The following CRTC3 variants were observed in gnomAD, a reference collection of about 807,000 sequenced individuals.
The protein encoded by CRTC3 is CREB regulated transcription coactivator 3.
Under a neutral mutation model 74.5 loss-of-function variants are expected in CRTC3, and 26 were observed. The ratio of observed to expected loss-of-function variants is 0.35; its 90% CI spans 0.26 to 0.48. The LOEUF is 0.48. Ranked by LOEUF, CRTC3 falls within the 20% of genes least tolerant of loss-of-function variation. CRTC3 has a pLI of 0.99. For synonymous variants in CRTC3, 377 were observed against 325.8 expected (o/e 1.16, Z -1.69); for missense variants, 760 against 787.3 (o/e 0.97, Z 0.41).
At chr15:90,600,024 A>G (rs978737831) in intron 3 of CRTC3, among the ~76,000 whole-genome samples, 13 of 152,154 alleles carry the variant, frequency 8.5e-5, no homozygotes, top group Admixed American at 5.2e-4. Flanking sequence ...GGGCCTTACT[A>G]TTTATCACCT....
At chr15:90,583,403 G>A (rs1967587482) in intron 2 of CRTC3, among the ~76,000 whole-genome samples, 1 of 152,140 alleles carries the variant, frequency 6.6e-6, no homozygotes, top group Non-Finnish European at 1.5e-5. Flanking sequence ...GTTGGGTGCT[G>A]GTGCCTTCTC....
intron 2 of CRTC3, among the ~76,000 whole-genome samples, chr15:90,577,064 G>A (rs1967424324): frequency 6.8e-6 from 1 of 146,364 alleles, no homozygotes; most frequent in African/African-American, 2.6e-5. Context: ...GTTTTTTTGA[G>A]ATAGAATATT....
intron 2 of CRTC3, among the ~76,000 whole-genome samples, chr15:90,575,292 A>G (rs1967377535): frequency 6.6e-6 from 1 of 152,224 alleles, no homozygotes; most frequent in African/African-American, 2.4e-5. Flanking sequence ...CGGAGGTTGC[A>G]GTGAGCCAAG....
intron 2 of CRTC3, 29 bp from the exon 3 acceptor site, chr15:90,593,607 G>A: frequency 6.3e-7 from 1 of 1,588,198 alleles, no homozygotes; most frequent in East Asian, 2.3e-5. Flanking sequence ...CATGGTTGGA[G>A]GCCAACTCTT....
rs1336506423 is a variant in CRTC3 at position 90,530,591 on chromosome 15, C to G, written c.132+388C>G. On this transcript the variant is annotated intron_variant, in intron 1 of 14. Coordinates refer to ENST00000268184, the MANE Select transcript of CRTC3 (RefSeq NM_022769.5). The surrounding 1 kb of genome is among the most constrained non-coding windows in gnomAD (Gnocchi z 6.2). ...GCGGCTTCTGGTCGCTCCGAACATC[C>G]CCCACCATCGAGCCCTGCTGTTCTG... 2 of 152,332 alleles carry G rather than the reference C, an allele frequency of 1.3e-5. No homozygotes were observed. Among genetic ancestry groups the G allele is most frequent in the Non-Finnish European group, 2.9e-5 (2 of 68,220 alleles). 9.4% of individuals were successfully genotyped at this position (152,332 alleles called of 1,614,324 possible).
chr15:90,605,763 A>G (rs565932389), intron 5 of CRTC3, among the ~76,000 whole-genome samples: 101 of 151,510 alleles, frequency 6.7e-4, no homozygotes, highest in African/African-American at 2.5e-3. Context: ...ATGAACCACA[A>G]AGAAGCACTG....
chr15:90,591,194 C>G (rs976670761), intron 2 of CRTC3, among the ~76,000 whole-genome samples: 1 of 151,712 alleles, frequency 6.6e-6, no homozygotes, highest in Non-Finnish European at 1.5e-5. Context: ...GAACTCCTGG[C>G]CTCAAGTGGT....
At position 90,529,956 on chromosome 15, in the gene CRTC3, C is replaced by G. The variant is rs979915441; in HGVS notation, c.-116C>G. ...GGCCGCGGCGGCTCCTCTGCCGGGT[C>G]GCGCCGGACGACTGGCTTCGGGCGG... On this transcript the variant is annotated 5_prime_UTR_variant, in exon 1 of 15. Coordinates refer to ENST00000268184, the MANE Select transcript of CRTC3 (RefSeq NM_022769.5). The G allele has an allele frequency of 3.6e-4, 297 of 813,956 alleles. 1 individual carries two copies. The highest frequency in any genetic ancestry group is 2.2e-3 in the Middle Eastern group (4 of 1,846). 50.4% of individuals were successfully genotyped at this position (813,956 alleles called of 1,614,324 possible).
chr15:90,600,563 A>C (rs1264365755), intron 3 of CRTC3: 1 of 152,172 alleles, frequency 6.6e-6, no homozygotes, highest in Non-Finnish European at 1.5e-5. Flanking sequence ...CCCCTGATCC[A>C]CCAGGCGTGC....
intron 9 of CRTC3, among the ~76,000 whole-genome samples, chr15:90,623,103 C>T (rs1968709058): frequency 6.6e-6 from 1 of 152,158 alleles, no homozygotes; most frequent in African/African-American, 2.4e-5. Context: ...ACCGAGGTCC[C>T]TCCTAGTCAG....
At chr15:90,594,177 C>G (rs574323854) in intron 3 of CRTC3, 1 of 153,402 alleles carries the variant, frequency 6.5e-6, no homozygotes, top group Non-Finnish European at 1.5e-5. Context: ...TTGGAACTTA[C>G]AGACAAAATT....
In CRTC3 at chr15:90,629,052, G is replaced by A. The variant is rs751736243; in HGVS notation, c.968-182G>A. Among the ~76,000 whole-genome samples, 6 of 152,294 alleles carry A rather than the reference G, an allele frequency of 3.9e-5. 1 individual carries two copies. On this transcript the variant is annotated intron_variant, in intron 10 of 14. Coordinates refer to ENST00000268184, the MANE Select transcript of CRTC3 (RefSeq NM_022769.5). Reference sequence around the variant, plus strand: ...TCTTTGTGGCCCCATCTCTGTTAGTGCAGGGGCATCTTTTCCTTGCCATTG... The same window carrying A: ...TCTTTGTGGCCCCATCTCTGTTAGTACAGGGGCATCTTTTCCTTGCCATTG...
intron 2 of CRTC3, among the ~76,000 whole-genome samples, chr15:90,553,018 G>C (rs1038427687): frequency 2.6e-5 from 4 of 152,178 alleles, no homozygotes; most frequent in African/African-American, 9.7e-5. Context: ...AATACTGTTA[G>C]ATGTAATGAG....
At chr15:90,626,906 C>G (rs1240524761) in intron 10 of CRTC3, among the ~76,000 whole-genome samples, 1 of 152,230 alleles carries the variant, frequency 6.6e-6, no homozygotes, top group African/African-American at 2.4e-5. Flanking sequence ...TGAGCCACCA[C>G]TGACATACCC....
intron 2 of CRTC3, among the ~76,000 whole-genome samples, chr15:90,559,282 G>GA (rs1966962871): frequency 1.3e-5 from 2 of 152,176 alleles, no homozygotes; most frequent in Non-Finnish European, 2.9e-5. Flanking sequence ...AACCTTATGT[G>GA]ATGGTACTTT....
chr15:90,613,424 C>T lies in CRTC3; in HGVS notation c.578-1029C>T, dbSNP rs975886682. Among the ~76,000 whole-genome samples, 19 of 152,180 alleles carry T rather than the reference C, an allele frequency of 1.2e-4. 1 individual carries two copies. The highest frequency in any genetic ancestry group is 1.2e-3 in the Admixed American group (19 of 15,284). On this transcript the variant is annotated intron_variant, in intron 6 of 14. Transcript: ENST00000268184. Reference sequence around the variant, plus strand: ...ATCGACCTCTTCGTATTCCTGGGCACTCTTCCTGTTGCCCCTGGGCTCTGT... The same window carrying T: ...ATCGACCTCTTCGTATTCCTGGGCATTCTTCCTGTTGCCCCTGGGCTCTGT...
In CRTC3 at chr15:90,643,310, C is replaced by T. The variant is rs998783546; in HGVS notation, c.*1170C>T. 5 of 231,292 alleles carry T rather than the reference C, an allele frequency of 2.2e-5. No individual in the cohort carries two copies. The highest frequency in any genetic ancestry group is 1.3e-3 in the Middle Eastern group (1 of 800). The allele number at this position is 231,292 out of a possible 1,614,324, so 14.3% of individuals were successfully genotyped here. On this transcript the variant is annotated 3_prime_UTR_variant, in exon 15 of 15. Transcript: ENST00000268184. ...CTTCTCAGAGCTTTAGCTTTTCTAGCACTCGTGCCTATGGTGAAGCATGCA... is the reference window on the plus strand; with the variant it reads ...CTTCTCAGAGCTTTAGCTTTTCTAGTACTCGTGCCTATGGTGAAGCATGCA...
chr15:90,626,168 C>G (rs1336570994), intron 10 of CRTC3, among the ~76,000 whole-genome samples, 175 bp downstream of exon 10: 5 of 152,190 alleles, frequency 3.3e-5, no homozygotes, highest in African/African-American at 1.2e-4. Flanking sequence ...TTCTGTTTCT[C>G]CTGGGTTGAT....
chr15:90,603,701 A>C (rs1233675112), intron 4 of CRTC3, among the ~76,000 whole-genome samples: 1 of 152,182 alleles, frequency 6.6e-6, no homozygotes, highest in African/African-American at 2.4e-5. Flanking sequence ...TGTGTATCAA[A>C]AATATTTAGC....
Sources: allele counts gnomAD v4.1 joint callset (sites outside exome capture counted in the v4.1 genomes callset), GRCh38; gene constraint gnomAD v4.1.1; non-coding constraint Gnocchi (gnomAD v3.1); transcripts MANE v1.5; gene names NCBI Gene and HGNC (gene_info 2026-07-23, HGNC 2026-07-21).